The following SUGCT variants were observed in gnomAD, a reference collection of about 807,000 sequenced individuals.
SUGCT encodes the protein succinyl-CoA:glutarate-CoA transferase, also known as succinyl-CoA:glutarate CoA-transferase.
Under a neutral mutation model 55.0 loss-of-function variants are expected in SUGCT, and 41 were observed. The observed-to-expected ratio is 0.74, with a 90% CI of 0.58 to 0.97. The LOEUF (loss-of-function observed/expected upper bound fraction) is 0.97. SUGCT is among the 50% of genes least tolerant of loss of function. The pLI, the probability that SUGCT is intolerant of heterozygous loss-of-function variation, is 0.00. For missense variants in SUGCT, 568 were observed against 547.8 expected, an observed-to-expected ratio of 1.04 and a Z score of -0.37; for synonymous variants, 187 against 200.4, an observed-to-expected ratio of 0.93 and a Z score of 0.56.
At chr7:40,235,898 T>C (rs980375900) in intron 6 of SUGCT, among the ~76,000 whole-genome samples, 3 of 152,140 alleles carry the variant, frequency 2.0e-5, no homozygotes, top group Non-Finnish European at 4.4e-5. Flanking sequence ...AAACAAGGCT[T>C]GCAGGCAACC....
chr7:40,743,978 G>A (rs1329456128), intron 12 of SUGCT, among the ~76,000 whole-genome samples: 1 of 152,088 alleles, frequency 6.6e-6, no homozygotes, highest in Non-Finnish European at 1.5e-5. Context: ...CTGGAGTGCA[G>A]TAGCACAATC....
At chr7:40,629,559 A>G (rs1159392949) in intron 12 of SUGCT, among the ~76,000 whole-genome samples, 1 of 152,098 alleles carries the variant, frequency 6.6e-6, no homozygotes, top group Non-Finnish European at 1.5e-5. Context: ...GAGGTGGTCA[A>G]TTTTGAAGGC....
intron 12 of SUGCT, among the ~76,000 whole-genome samples, chr7:40,607,104 G>A (rs918896393): frequency 2.0e-4 from 29 of 147,060 alleles, no homozygotes; most frequent in African/African-American, 7.5e-4. Flanking sequence ...TGCTTTTTCT[G>A]GATTTTTTTT....
intron 12 of SUGCT, among the ~76,000 whole-genome samples, chr7:40,544,398 T>G (rs1794875879): frequency 6.6e-6 from 1 of 152,120 alleles, no homozygotes; most frequent in Admixed American, 6.6e-5. Flanking sequence ...ATCCACACCC[T>G]CTGACCCAGA....
chr7:41,022,460 A>G, the SUGCT span, among the ~76,000 whole-genome samples: 1 of 152,200 alleles, frequency 6.6e-6, no homozygotes, highest in Non-Finnish European at 1.5e-5. Flanking sequence ...TAAGAGTGTA[A>G]TTAAATTAGA....
At position 40,467,204 on chromosome 7, in the gene SUGCT, G is replaced by GAAA. The variant is rs762283927; in HGVS notation, c.986+8026_986+8028dup. ...CGACAGAGCAAGACTCTAAGAAAAA[G>GAAA]AAAAAAAAAAAAAAAAAAAAAAGCA... On this transcript the variant is annotated intron_variant, in intron 11 of 13. Coordinates refer to ENST00000335693, the MANE Select transcript of SUGCT (RefSeq NM_001193313.2). Among the ~76,000 whole-genome samples, 283 of 83,610 alleles carry GAAA rather than the reference G, an allele frequency of 3.4e-3. 12 individuals carry two copies. The highest frequency in any genetic ancestry group is 7.6e-3 in the African/African-American group (178 of 23,456). 54.9% of individuals were successfully genotyped at this position (83,610 alleles called of 152,430 possible). A position where few individuals can be genotyped will look rare whatever the true frequency, so the allele number is the denominator to read the frequency against.
intron 12 of SUGCT, among the ~76,000 whole-genome samples, chr7:40,519,036 A>G (rs1405105015): frequency 6.6e-6 from 1 of 152,102 alleles, no homozygotes; most frequent in African/African-American, 2.4e-5. Context: ...GAAATAAGAC[A>G]CCAATATCAT....
the SUGCT span, among the ~76,000 whole-genome samples, chr7:40,928,200 T>A: frequency 6.6e-6 from 1 of 152,040 alleles, no homozygotes; most frequent in African/African-American, 2.4e-5. Context: ...TATAAAAACC[T>A]ATGGATTTCT....
chr7:40,272,144 A>G (rs933024533), intron 7 of SUGCT, among the ~76,000 whole-genome samples: 2 of 750 alleles, frequency 2.7e-3, no homozygotes, highest in Non-Finnish European at 6.4e-3. Context: ...AATGTGACAT[A>G]TATATATATA....
At chr7:40,275,678 A>T (rs1472846411) in intron 8 of SUGCT, among the ~76,000 whole-genome samples, 1 of 152,196 alleles carries the variant, frequency 6.6e-6, no homozygotes, top group African/African-American at 2.4e-5. Context: ...AGGTGATGAA[A>T]ATAAAGATAC....
At chr7:40,711,752 A>G (rs1205425866) in intron 12 of SUGCT, among the ~76,000 whole-genome samples, 2 of 152,248 alleles carry the variant, frequency 1.3e-5, no homozygotes, top group South Asian at 2.1e-4. Flanking sequence ...CTGTTTTGTG[A>G]ATTCTGTTTA....
chr7:40,616,030 T>G (rs2151781852), intron 12 of SUGCT, among the ~76,000 whole-genome samples: 1 of 152,348 alleles, frequency 6.6e-6, no homozygotes, highest in African/African-American at 2.4e-5. Flanking sequence ...TCTATATTTT[T>G]TATTTCAGGA....
At chr7:41,029,095 TC>T in the SUGCT span, among the ~76,000 whole-genome samples, 1 of 152,104 alleles carries the variant, frequency 6.6e-6, no homozygotes, top group African/African-American at 2.4e-5. Context: ...CATGCCCTCC[TC>T]CCCTGATGTC....
At chr7:40,844,796 A>G (rs1479739176) in intron 13 of SUGCT, among the ~76,000 whole-genome samples, 1 of 152,224 alleles carries the variant, frequency 6.6e-6, no homozygotes, top group Non-Finnish European at 1.5e-5. Flanking sequence ...CCAGCAAGAG[A>G]TGATGGTAGC....
the SUGCT span, among the ~76,000 whole-genome samples, chr7:41,031,969 T>C: frequency 6.6e-6 from 1 of 152,004 alleles, no homozygotes; most frequent in Non-Finnish European, 1.5e-5. Context: ...AGTGGAGCCC[T>C]GTGCCCAGTA....
At chr7:40,299,256 T>C (rs1156940338) in intron 8 of SUGCT, among the ~76,000 whole-genome samples, 1 of 152,182 alleles carries the variant, frequency 6.6e-6, no homozygotes, top group African/African-American at 2.4e-5. Flanking sequence ...GAAATGGTGA[T>C]GGATATGGAC....
chr7:40,761,987 C>T (rs965319503), intron 13 of SUGCT, among the ~76,000 whole-genome samples: 1 of 152,248 alleles, frequency 6.6e-6, no homozygotes, highest in Middle Eastern at 3.4e-3. Context: ...CAGGAGCACG[C>T]CCCGGGGAAC....
At chr7:40,512,423 A>C (rs532312907) in intron 12 of SUGCT, among the ~76,000 whole-genome samples, 1 of 152,326 alleles carries the variant, frequency 6.6e-6, no homozygotes, top group East Asian at 1.9e-4. Context: ...TTCTAGAACC[A>C]CAGAATACTT....
chr7:40,276,404 T>C (rs1484442424), intron 8 of SUGCT, among the ~76,000 whole-genome samples: 1 of 152,162 alleles, frequency 6.6e-6, no homozygotes, highest in Non-Finnish European at 1.5e-5. Flanking sequence ...TGTGCAGTCA[T>C]GGGTAGCCCT....
Sources: gnomAD v4.1 joint callset for allele counts (sites outside exome capture counted in the v4.1 genomes callset) on GRCh38, gnomAD v4.1.1 for gene constraint, MANE v1.5 for transcripts, NCBI Gene and HGNC (gene_info 2026-07-23, HGNC 2026-07-21) for gene names.